NSD1: variants seen among roughly 807,000 people sequenced by gnomAD.
NSD1 encodes histone-lysine N-methyltransferase, H3 lysine-36 specific.
In NSD1, 26 loss-of-function variants were observed where a neutral mutation model predicts 242.7. The ratio of observed to expected loss-of-function variants is 0.11; its 90% CI spans 0.08 to 0.15. The LOEUF is 0.15. Ranked by LOEUF, NSD1 falls within the 10% of genes least tolerant of loss-of-function variation. The pLI is 1.00. For synonymous variants in NSD1, 1,106 were observed against 1,178.1 expected (o/e 0.94, Z 1.25); for missense variants, 2,495 against 3,272.8 (o/e 0.76, Z 5.80).
chr5:177,189,016 C>A (rs1761465254), intron 2 of NSD1, among the ~76,000 whole-genome samples: 2 of 151,990 alleles, frequency 1.3e-5, no homozygotes, highest in East Asian at 1.9e-4. Flanking sequence ...GCACTCCAGC[C>A]TGGGAGGCAG....
At chr5:177,279,961 A>ATAGTT (rs1758728013) in intron 17 of NSD1, among the ~76,000 whole-genome samples, 1 of 140,006 alleles carries the variant, frequency 7.1e-6, no homozygotes, top group African/African-American at 2.8e-5. Context: ...TTTAAAGTTC[A>ATAGTT]TATTTTATTT....
At position 177,173,240 on chromosome 5, in the gene NSD1, C is replaced by T. The variant is rs1359237273; in HGVS notation, c.928-18644C>T. 2.1e-5 allele frequency among the ~76,000 whole-genome samples: 3 copies of T among 144,144 alleles called. No individual in the cohort carries two copies. In the Admixed American group the frequency reaches 2.2e-4, roughly 11 times the overall value. The allele number at this position is 144,144 out of a possible 152,430, so 94.6% of individuals were successfully genotyped here. A position where few individuals can be genotyped will look rare whatever the true frequency, so the allele number is the denominator to read the frequency against. On this transcript the variant is annotated intron_variant, in intron 2 of 22. Coordinates refer to ENST00000439151, the MANE Select transcript of NSD1 (RefSeq NM_022455.5). ...CCGGGAGGCGGAGCTTACAGTGAGCCGAGATAGCGCCACTGCACTCCAGCC... is the reference window on the plus strand; with the variant it reads ...CCGGGAGGCGGAGCTTACAGTGAGCTGAGATAGCGCCACTGCACTCCAGCC...
In NSD1 at chr5:177,294,505, A is replaced by C; in HGVS notation, c.7137A>C (p.Ser2379=). The C allele has an allele frequency of 6.2e-7, 1 of 1,614,154 alleles. No homozygotes were observed. Among genetic ancestry groups the C allele is most frequent in the African/African-American group, 1.3e-5 (1 of 75,048 alleles). ...SPRPQSLEKT[S]VPTGLRLPPP... Reference sequence around the variant, plus strand: ...GGCCCCAGTCACTGGAGAAAACCTCAGTTCCCACTGGCCTGAGACTTCCGC... The same window carrying C: ...GGCCCCAGTCACTGGAGAAAACCTCCGTTCCCACTGGCCTGAGACTTCCGC... Residue 2379 remains serine (S), a synonymous_variant, in exon 23 of 23, where the codon TCA becomes TCC. Coordinates refer to ENST00000439151, the MANE Select transcript of NSD1 (RefSeq NM_022455.5).
chr5:177,206,001 T>C (rs1353723017), intron 4 of NSD1, among the ~76,000 whole-genome samples: 2 of 151,978 alleles, frequency 1.3e-5, no homozygotes, highest in African/African-American at 2.4e-5. Flanking sequence ...TTTTATTTAT[T>C]ATTATTATTA....
chr5:177,235,181 C>T (rs1391834769), intron 5 of NSD1, among the ~76,000 whole-genome samples: 2 of 152,196 alleles, frequency 1.3e-5, no homozygotes, highest in Non-Finnish European at 2.9e-5. Flanking sequence ...AGATATTCCA[C>T]ATGGTGGCTG....
At chr5:177,174,836 T>C (rs1394426720) in intron 2 of NSD1, among the ~76,000 whole-genome samples, 2 of 148,544 alleles carry the variant, frequency 1.3e-5, no homozygotes, top group Non-Finnish European at 3.0e-5. Flanking sequence ...GTGCTGGGAT[T>C]ACAGGTATGA....
chr5:177,294,961 A>G lies in NSD1; in HGVS notation c.7593A>G (p.Lys2531=). 1 of 1,614,232 alleles carries G rather than the reference A, an allele frequency of 6.2e-7. No individual in the cohort carries two copies. The highest frequency in any genetic ancestry group is 1.1e-5 in the South Asian group (1 of 91,088). ...APSEDPWQAV[K]SLTQARLLSQ... is the part of the protein sequence containing the mutation. ...CAGAGGACCCCTGGCAAGCTGTTAA[A>G]TCACTCACCCAGGCCAGACTTCTTT... Residue 2531 remains lysine (K), a synonymous_variant, in exon 23 of 23, where the codon AAA becomes AAG. Coordinates refer to ENST00000439151, the MANE Select transcript of NSD1 (RefSeq NM_022455.5).
At chr5:177,226,688 TATACTG>T (rs1764658469) in intron 5 of NSD1, among the ~76,000 whole-genome samples, 1 of 152,214 alleles carries the variant, frequency 6.6e-6, no homozygotes, top group Non-Finnish European at 1.5e-5. Context: ...TCATAGTTGT[TATACTG>T]ATATGTTCCT....
At chr5:177,204,040 G>A (rs771048034) in intron 3 of NSD1, 80 bp from the exon 4 acceptor site, 52 of 1,330,434 alleles carry the variant, frequency 3.9e-5, no homozygotes, top group Admixed American at 6.7e-5. Flanking sequence ...CTTCTTTGGC[G>A]GCAATGATGT....
intron 2 of NSD1, among the ~76,000 whole-genome samples, chr5:177,171,305 C>CAAAAAAAAAAAAAAAAAAAAAAAAAAA (rs1759688323): frequency 6.6e-6 from 1 of 150,880 alleles, no homozygotes; most frequent in African/African-American, 2.4e-5. Flanking sequence ...GACTCCGTCT[C>CAAAAAAAAAAAAAAAAAAAAAAAAAAA]CAAAAAAAAA....
At chr5:177,149,595 A>G (rs924569581) in intron 2 of NSD1, among the ~76,000 whole-genome samples, 1 of 152,100 alleles carries the variant, frequency 6.6e-6, no homozygotes, top group Non-Finnish European at 1.5e-5. Context: ...CCTGGGAAAC[A>G]GTTTTTCCAC....
intron 20 of NSD1, among the ~76,000 whole-genome samples, chr5:177,288,055 A>T (rs1759475713): frequency 6.6e-6 from 1 of 152,192 alleles, no homozygotes; most frequent in African/African-American, 2.4e-5. Flanking sequence ...ACCTCTTCAC[A>T]TATTTATGTA....
At chr5:177,235,717 G>C in intron 5 of NSD1, 104 bp from the exon 6 acceptor site, 1 of 1,447,538 alleles carries the variant, frequency 6.9e-7, no homozygotes, top group Non-Finnish European at 9.6e-7. Context: ...TTTACTATGT[G>C]GTTTCCCATC....
At chr5:177,155,118 G>A (rs1348672917) in intron 2 of NSD1, among the ~76,000 whole-genome samples, 3 of 151,790 alleles carry the variant, frequency 2.0e-5, no homozygotes, top group Admixed American at 6.6e-5. Flanking sequence ...AGCCTCCCGA[G>A]TAGCTGGGAC....
At chr5:177,242,102 CTGT>C (rs1008188374) in intron 8 of NSD1, among the ~76,000 whole-genome samples, 3 of 151,634 alleles carry the variant, frequency 2.0e-5, no homozygotes, top group Non-Finnish European at 4.4e-5. Flanking sequence ...TGTGTGTGTG[CTGT>C]TAATTTTTAT....
chr5:177,280,436 A>T, intron 17 of NSD1, 129 bp from the exon 18 acceptor site: 1 of 986,780 alleles, frequency 1.0e-6, no homozygotes, highest in Non-Finnish European at 1.6e-6. Flanking sequence ...ATATGAAACT[A>T]AGTGTTGATA....
chr5:177,194,251 A>G (rs1761921453), intron 3 of NSD1, among the ~76,000 whole-genome samples: 1 of 150,890 alleles, frequency 6.6e-6, no homozygotes, highest in Non-Finnish European at 1.5e-5. Flanking sequence ...TCATATTTTT[A>G]TTATTTATGT....
chr5:177,140,783 C>G (rs748546073), intron 2 of NSD1, among the ~76,000 whole-genome samples: 3 of 152,026 alleles, frequency 2.0e-5, no homozygotes, highest in Non-Finnish European at 2.9e-5. Context: ...GCTACCTGAT[C>G]TGGAGGCAGA....
At chr5:177,248,415 A>C in intron 11 of NSD1, 91 bp downstream of exon 11, 2 of 1,458,936 alleles carry the variant, frequency 1.4e-6, no homozygotes, top group Non-Finnish European at 1.9e-6. Context: ...TTCTTGGTAG[A>C]ATAACAATGC....
Sources: allele counts gnomAD v4.1 joint callset (sites outside exome capture counted in the v4.1 genomes callset), GRCh38; gene constraint gnomAD v4.1.1; transcripts MANE v1.5; gene names NCBI Gene and HGNC (gene_info 2026-07-23, HGNC 2026-07-21).